Variants in TGS1 observed in about 807,000 individuals in gnomAD.
TGS1 encodes the protein trimethylguanosine synthase 1.
In TGS1, 69 loss-of-function variants were observed where a neutral mutation model predicts 92.2. That is an observed-to-expected ratio of 0.75 (90% CI 0.62 to 0.91). The LOEUF is 0.91. Among genes scored for constraint, TGS1 ranks in the 40% least tolerant of loss-of-function variants. TGS1 has a pLI of 0.00. For missense variants in TGS1, 1,062 were observed against 1,001.2 expected, an observed-to-expected ratio of 1.06 and a Z score of -0.82; for synonymous variants, 345 against 338.1, an observed-to-expected ratio of 1.02 and a Z score of -0.22.
chr8:55,783,872 C>T (rs1277020581), intron 2 of TGS1, among the ~76,000 whole-genome samples: 1 of 152,210 alleles, frequency 6.6e-6, no homozygotes, highest in Non-Finnish European at 1.5e-5. Flanking sequence ...TAACACTAGG[C>T]TCCTCGAGCA....
At chr8:55,813,261 C>G in intron 12 of TGS1, 143 bp downstream of exon 12, 2 of 613,292 alleles carry the variant, frequency 3.3e-6, no homozygotes, top group Non-Finnish European at 5.7e-6. Flanking sequence ...CTGGAAGTAT[C>G]TGGAAGTTAG....
rs139226926 is a variant in TGS1, at chr8:55,785,739, G to C, written c.187G>C (p.Glu63Gln). Residue 63 changes from glutamate (E) to glutamine (Q), a missense_variant, in exon 3 of 13, where the codon GAG (glutamate) becomes CAG (glutamine). Coordinates refer to ENST00000260129, the MANE Select transcript of TGS1 (RefSeq NM_024831.8). Reference protein sequence around the residue: ...NNSGDQATEEEEGGYSCGTAE... With the variant: ...NNSGDQATEEQEGGYSCGTAE... ...TATAGGAGACCAGGCGACAGAAGAA[G>C]AGGAAGGTGGTTATTCCTGTGGTAC... The C allele has an allele frequency of 4.7e-5, 75 of 1,609,362 alleles. No homozygotes were observed. The African/African-American group carries it at 8.8e-4, about 19-fold the overall frequency.
At chr8:55,808,268 A>G (rs1234087179) in intron 10 of TGS1, among the ~76,000 whole-genome samples, 1 of 152,160 alleles carries the variant, frequency 6.6e-6, no homozygotes, top group Non-Finnish European at 1.5e-5. Flanking sequence ...TTCACTATTT[A>G]CTATCAAAGT....
intron 9 of TGS1, 84 bp from the exon 10 acceptor site, chr8:55,804,809 A>T: frequency 1.7e-6 from 2 of 1,147,550 alleles, no homozygotes; most frequent in Non-Finnish European, 2.5e-6. Context: ...AAAAGTATGT[A>T]AGATATAGTA....
chr8:55,783,023 G>A (rs887803583), intron 2 of TGS1, among the ~76,000 whole-genome samples: 1 of 152,116 alleles, frequency 6.6e-6, no homozygotes, highest in African/African-American at 2.4e-5. Context: ...TAGCTCCTGT[G>A]CTGACTTAAT....
At chr8:55,810,157 A>G (rs541963106) in intron 10 of TGS1, among the ~76,000 whole-genome samples, 1 of 152,370 alleles carries the variant, frequency 6.6e-6, no homozygotes, top group South Asian at 2.1e-4. Flanking sequence ...GGTTACACTT[A>G]GCCCTTTCAA....
At chr8:55,793,906 C>T (rs1761522025) in intron 6 of TGS1, among the ~76,000 whole-genome samples, 1 of 151,944 alleles carries the variant, frequency 6.6e-6, no homozygotes, top group South Asian at 2.1e-4. Context: ...GCGTGAGCCA[C>T]CGCGCCTCAC....
intron 10 of TGS1, among the ~76,000 whole-genome samples, chr8:55,809,487 G>A (rs1299969439): frequency 6.6e-6 from 1 of 150,696 alleles, no homozygotes; most frequent in East Asian, 1.9e-4. Context: ...GGGTGCAGGT[G>A]TTTCGCTCTG....
Position 55,786,278 on chromosome 8 carries a change from A to G in TGS1, c.380A>G (p.Lys127Arg). Residue 127 changes from lysine to arginine, a missense_variant, in exon 4 of 13, where the codon AAA becomes AGA. Physicochemically the swap from Lys to Arg is conservative, Grantham distance 26. Coordinates refer to ENST00000260129, the MANE Select transcript of TGS1 (RefSeq NM_024831.8). ...NTRNKVKIKKKKHQKKYLDEI... is the reference protein window; with the variant it reads ...NTRNKVKIKKRKHQKKYLDEI... ...AGAAATAAAGTTAAAATAAAAAAGA[A>G]AAAACATCAAAAGAAATACTTAGAT... The G allele has an allele frequency of 6.6e-7, 1 of 1,521,244 alleles. No homozygotes were observed. The highest frequency in any genetic ancestry group is 1.2e-5 in the South Asian group (1 of 80,494). The allele number at this position is 1,521,244 out of a possible 1,614,324, so 94.2% of individuals were successfully genotyped here. A position where few individuals can be genotyped will look rare whatever the true frequency, so the allele number is the denominator to read the frequency against.
At chr8:55,809,681 C>T (rs1563466566) in intron 10 of TGS1, among the ~76,000 whole-genome samples, 1 of 152,112 alleles carries the variant, frequency 6.6e-6, no homozygotes, top group East Asian at 1.9e-4. Flanking sequence ...GGGGTCCACC[C>T]GCCTCAGCCT....
At chr8:55,819,916 C>T (rs928590406) in intron 12 of TGS1, among the ~76,000 whole-genome samples, 1 of 152,124 alleles carries the variant, frequency 6.6e-6, no homozygotes, top group African/African-American at 2.4e-5. Context: ...CTTTCTTGGC[C>T]TGTGTGACAT....
At chr8:55,782,680 G>A (rs887656895) in intron 1 of TGS1, 68 bp from the exon 2 acceptor site, 35 of 1,206,414 alleles carry the variant, frequency 2.9e-5, no homozygotes, top group Middle Eastern at 2.0e-4. Context: ...ATGATGGCTC[G>A]AGATTTCTTT....
At chr8:55,814,124 T>A (rs1803408018) in intron 12 of TGS1, among the ~76,000 whole-genome samples, 1 of 152,030 alleles carries the variant, frequency 6.6e-6, no homozygotes, top group Non-Finnish European at 1.5e-5. Context: ...GTTTTTTTAT[T>A]TTTTATAGAG....
At chr8:55,781,749 G>T (rs1365434454) in intron 1 of TGS1, among the ~76,000 whole-genome samples, 1 of 152,226 alleles carries the variant, frequency 6.6e-6, no homozygotes, top group Non-Finnish European at 1.5e-5. Flanking sequence ...AAGAGGATGT[G>T]AAATAGAGCA....
Position 55,786,561 on chromosome 8 carries a change from A to G in TGS1, c.663A>G (p.Gln221=). The part of the protein sequence containing the change: ...WQSWQEKHPG[Q]ALSSEPWNFP... ...GTTGGCAAGAAAAACATCCGGGTCAAGCACTATCTTCTGAACCTTGGAACT... is the reference window on the plus strand; with the variant it reads ...GTTGGCAAGAAAAACATCCGGGTCAGGCACTATCTTCTGAACCTTGGAACT... The change falls in exon 4 of 13, where the codon CAA becomes CAG. Residue 221 remains glutamine, a synonymous_variant. Coordinates refer to ENST00000260129, the MANE Select transcript of TGS1 (RefSeq NM_024831.8). 6.2e-7 allele frequency: 1 copy of G among 1,614,234 alleles called. No individual in the cohort carries two copies. The highest frequency in any genetic ancestry group is 1.1e-5 in the South Asian group (1 of 91,090).
chr8:55,782,916 A>C, intron 2 of TGS1, 104 bp downstream of exon 2: 1 of 720,462 alleles, frequency 1.4e-6, no homozygotes, highest in East Asian at 3.0e-5. Flanking sequence ...GTTAGCATAA[A>C]ATATAAATGC....
At chr8:55,815,920 T>C (rs1011227801) in intron 12 of TGS1, among the ~76,000 whole-genome samples, 2 of 112,192 alleles carry the variant, frequency 1.8e-5, no homozygotes, top group East Asian at 2.0e-4. Context: ...GGACTAATTT[T>C]TATTTATTTA....
intron 1 of TGS1, among the ~76,000 whole-genome samples, chr8:55,776,496 G>T (rs982224834): frequency 6.6e-6 from 1 of 152,050 alleles, no homozygotes; most frequent in Non-Finnish European, 1.5e-5. Context: ...TAGCCAGGAT[G>T]GTCTCTGTCT....
At chr8:55,781,920 C>G (rs1302253476) in intron 1 of TGS1, among the ~76,000 whole-genome samples, 5 of 152,046 alleles carry the variant, frequency 3.3e-5, no homozygotes, top group African/African-American at 1.2e-4. Flanking sequence ...TCCACTTTTT[C>G]TTAAGTATTC....
Sources: allele counts gnomAD v4.1 joint callset (sites outside exome capture counted in the v4.1 genomes callset), GRCh38; gene constraint gnomAD v4.1.1; transcripts MANE v1.5; gene names NCBI Gene and HGNC (gene_info 2026-07-23, HGNC 2026-07-21).